HNRNPC: variants seen among roughly 807,000 people sequenced by gnomAD.
HNRNPC encodes the protein heterogeneous nuclear ribonucleoprotein C, also known as heterogeneous nuclear ribonucleoproteins C1/C2.
HNRNPC carries 3 observed loss-of-function variants against 33.2 expected under a neutral mutation model. The ratio of observed to expected loss-of-function variants is 0.09; its 90% CI spans 0.04 to 0.23. The LOEUF (loss-of-function observed/expected upper bound fraction) is 0.23. Ranked by LOEUF, HNRNPC falls within the 10% of genes least tolerant of loss-of-function variation. The probability of loss-of-function intolerance (pLI) is 1.00; values close to 1 mark genes in which losing one functional copy is unlikely to be tolerated. For missense variants in HNRNPC, 143 were observed against 366.7 expected, an observed-to-expected ratio of 0.39 and a Z score of 4.98; for synonymous variants, 121 against 126.7, an observed-to-expected ratio of 0.96 and a Z score of 0.30.
At chr14:21,267,271 TCTC>T in intron 1 of HNRNPC, among the ~76,000 whole-genome samples, 1 of 152,252 alleles carries the variant, frequency 6.6e-6, no homozygotes, top group East Asian at 1.9e-4. Context: ...AAAATCTATT[TCTC>T]CTAACTCCTA....
intron 1 of HNRNPC, chr14:21,264,219 TAAA>T (rs1328267463): frequency 4.6e-5 from 7 of 152,178 alleles, no homozygotes; most frequent in Non-Finnish European, 8.8e-5. Context: ...GTTTTAAACT[TAAA>T]AAAGTCCGTG....
At chr14:21,261,627 G>T (rs1280262948) in intron 2 of HNRNPC, among the ~76,000 whole-genome samples, 1 of 152,262 alleles carries the variant, frequency 6.6e-6, no homozygotes, top group East Asian at 1.9e-4. Context: ...AGGTGCAGTG[G>T]CTCATGCCTG....
At chr14:21,237,858 G>A (rs1002885588) in intron 2 of HNRNPC, among the ~76,000 whole-genome samples, 9 of 147,144 alleles carry the variant, frequency 6.1e-5, no homozygotes, top group South Asian at 4.2e-4. Flanking sequence ...TGCAACCTAC[G>A]CCTCCCTGTT....
chr14:21,267,765 GA>G (rs1381945500), intron 1 of HNRNPC, among the ~76,000 whole-genome samples: 1 of 152,046 alleles, frequency 6.6e-6, no homozygotes, highest in African/African-American at 2.4e-5. Flanking sequence ...AAACCTCAAA[GA>G]AAAGTGCCCG....
At chr14:21,253,938 C>T (rs938846701) in intron 2 of HNRNPC, among the ~76,000 whole-genome samples, 3 of 151,020 alleles carry the variant, frequency 2.0e-5, no homozygotes, top group African/African-American at 2.4e-5. Context: ...TGTGTTGGCA[C>T]GCACCTATAG....
rs1891526251 is a variant in HNRNPC, at chr14:21,210,926, G to T, written c.*297C>A. 7.6e-6 allele frequency: 3 copies of T among 396,580 alleles called. No homozygotes were observed. Among genetic ancestry groups the T allele is most frequent in the South Asian group, 8.8e-5 (2 of 22,846 alleles). The allele number at this position is 396,580 out of a possible 1,614,324, so 24.6% of individuals were successfully genotyped here. ...CCCTGCATAACAAGAGATTATTTTG[G>T]AGACAGTTGATAAAAACCATACATC... is the stretch of plus-strand genomic sequence containing the variant. On this transcript the variant is annotated 3_prime_UTR_variant, in exon 9 of 9. Coordinates refer to ENST00000553300, the MANE Select transcript of HNRNPC (RefSeq NM_004500.4).
At chr14:21,221,136 C>T (rs8009362) in intron 5 of HNRNPC, among the ~76,000 whole-genome samples, 4 of 152,162 alleles carry the variant, frequency 2.6e-5, no homozygotes, top group Non-Finnish European at 4.4e-5. Flanking sequence ...CTGTGATGAA[C>T]GTGAATTTGG....
chr14:21,230,576 A>C, intron 4 of HNRNPC: 1 of 550,246 alleles, frequency 1.8e-6, no homozygotes, highest in Non-Finnish European at 3.3e-6. Context: ...AATTCAGGTT[A>C]AAATTCGCTA....
chr14:21,232,782 T>C (rs1894256969), intron 3 of HNRNPC, among the ~76,000 whole-genome samples: 1 of 152,212 alleles, frequency 6.6e-6, no homozygotes, highest in East Asian at 1.9e-4. Context: ...ACGCCTGTAA[T>C]CCCAGCACTT....
chr14:21,258,095 T>C (rs1295988296), intron 2 of HNRNPC, among the ~76,000 whole-genome samples: 1 of 152,124 alleles, frequency 6.6e-6, no homozygotes, highest in Non-Finnish European at 1.5e-5. Context: ...CTAAAATCTG[T>C]TTTTCTAGAA....
intron 2 of HNRNPC, among the ~76,000 whole-genome samples, chr14:21,251,449 C>T (rs933490737): frequency 6.6e-6 from 1 of 151,830 alleles, no homozygotes; most frequent in African/African-American, 2.4e-5. Flanking sequence ...GAGGCAGAGG[C>T]GGGCAGATAA....
intron 2 of HNRNPC, among the ~76,000 whole-genome samples, chr14:21,241,329 T>C (rs1419338409): frequency 1.3e-5 from 2 of 150,514 alleles, no homozygotes. Context: ...TCAATTCAAA[T>C]TAAATGCCAA....
intron 2 of HNRNPC, among the ~76,000 whole-genome samples, chr14:21,252,644 T>C (rs1896799327): frequency 6.6e-6 from 1 of 152,128 alleles, no homozygotes; most frequent in South Asian, 2.1e-4. Flanking sequence ...AATAGTTAAT[T>C]TATTAAACGT....
rs549658807 is a variant in HNRNPC at position 21,268,923 on chromosome 14, TAAG to T, written c.-63+372_-63+374del. Among the ~76,000 whole-genome samples, 64 of 152,118 alleles carry T rather than the reference TAAG, an allele frequency of 4.2e-4. No individual in the cohort carries two copies. The South Asian group carries it at 0.013, about 31-fold the overall frequency. Reference sequence around the variant, plus strand: ...CTTCCCCTCCCCCACTTTTTACATGTAAGAAGAACGGAGGTAATAGAAGGCATC... The same window carrying T: ...CTTCCCCTCCCCCACTTTTTACATGTAAGAACGGAGGTAATAGAAGGCATC... On this transcript the variant is annotated intron_variant, in intron 1 of 8. Transcript: ENST00000553300.
At chr14:21,230,941 A>G in intron 4 of HNRNPC, 56 bp downstream of exon 4, 1 of 1,599,702 alleles carries the variant, frequency 6.3e-7, no homozygotes, top group Non-Finnish European at 8.6e-7. Flanking sequence ...GCAGTTATAA[A>G]TAATAAAGTT....
At position 21,211,112 on chromosome 14, in the gene HNRNPC, G is replaced by A. The variant is rs1891543184; in HGVS notation, c.*111C>T. ...GGGAAGGACAAGGATGGGGAGAACA[G>A]TGAGCATGTGCTGAAGATACTAGGG... On this transcript the variant is annotated 3_prime_UTR_variant, in exon 9 of 9. Coordinates refer to ENST00000553300, the MANE Select transcript of HNRNPC (RefSeq NM_004500.4). The A allele has an allele frequency of 3.5e-6, 4 of 1,147,362 alleles. No individual in the cohort carries two copies. The highest frequency in any genetic ancestry group is 5.1e-6 in the Non-Finnish European group (4 of 780,184). 71.1% of individuals were successfully genotyped at this position (1,147,362 alleles called of 1,614,324 possible).
At chr14:21,251,694 C>T (rs1046798149) in intron 2 of HNRNPC, among the ~76,000 whole-genome samples, 11 of 152,006 alleles carry the variant, frequency 7.2e-5, no homozygotes, top group East Asian at 3.9e-4. Flanking sequence ...AAAAGACACA[C>T]GTATTAGGAA....
chr14:21,255,012 T>C (rs989810895), intron 2 of HNRNPC, among the ~76,000 whole-genome samples: 5 of 151,808 alleles, frequency 3.3e-5, no homozygotes, highest in African/African-American at 1.2e-4. Flanking sequence ...TTAAGGGTAA[T>C]AGCATGAGAA....
chr14:21,233,730 T>C lies in HNRNPC; in HGVS notation c.241+223A>G, dbSNP rs539531832. Reference sequence around the variant, plus strand: ...CATTCCCAGCTCCCCCTACTCACGATTGTAGTAGAGTTGTCCTAGCTCTAC... The same window carrying C: ...CATTCCCAGCTCCCCCTACTCACGACTGTAGTAGAGTTGTCCTAGCTCTAC... On this transcript the variant is annotated intron_variant, in intron 3 of 8. Coordinates refer to ENST00000553300, the MANE Select transcript of HNRNPC (RefSeq NM_004500.4). Among the ~76,000 whole-genome samples, 30 of 152,292 alleles carry C rather than the reference T, an allele frequency of 2.0e-4. No homozygotes were observed. In the South Asian group the frequency reaches 4.6e-3, roughly 23 times the overall value.
Sources: allele counts gnomAD v4.1 joint callset (sites outside exome capture counted in the v4.1 genomes callset), GRCh38; gene constraint gnomAD v4.1.1; transcripts MANE v1.5; gene names NCBI Gene and HGNC (gene_info 2026-07-23, HGNC 2026-07-21).